SLC29A4: variants seen among roughly 807,000 people sequenced by gnomAD.
SLC29A4 encodes the protein equilibrative nucleoside transporter 4.
A neutral mutation model predicts 43.9 loss-of-function variants in SLC29A4; 36 were observed. The observed-to-expected ratio is 0.82, with a 90% confidence interval of 0.63 to 1.08. The LOEUF (loss-of-function observed/expected upper bound fraction) is 1.08, where lower values mean the gene tolerates loss of function less well. Ranked by LOEUF, SLC29A4 falls within the 50% of genes least tolerant of loss-of-function variation. The probability of loss-of-function intolerance (pLI) is 0.00; values close to 1 mark genes in which losing one functional copy is unlikely to be tolerated. For synonymous variants in SLC29A4, 491 were observed against 338.0 expected (o/e 1.45, Z -4.97); for missense variants, 869 against 755.3 (o/e 1.15, Z -1.77).
rs1786357853 is a variant in SLC29A4 at position 5,304,076 on chromosome 7, A to C, written c.*1137A>C. ...GACCGCTGCACCGCCGCCTGCAAGCAGAGTTTGTGCGTGGACGGGGGCTGG... is the reference window on the plus strand; with the variant it reads ...GACCGCTGCACCGCCGCCTGCAAGCCGAGTTTGTGCGTGGACGGGGGCTGG... On this transcript the variant is annotated 3_prime_UTR_variant, in exon 11 of 11. Coordinates refer to ENST00000396872, the MANE Select transcript of SLC29A4 (RefSeq NM_153247.4). The C allele has an allele frequency of 6.6e-6, 1 of 152,352 alleles. No individual in the cohort carries two copies. Among genetic ancestry groups the C allele is most frequent in the Non-Finnish European group, 1.5e-5 (1 of 68,150 alleles). 9.4% of individuals were successfully genotyped at this position (152,352 alleles called of 1,614,324 possible).
At chr7:5,286,612 C>A (rs1441258265) in intron 1 of SLC29A4, among the ~76,000 whole-genome samples, 1 of 152,124 alleles carries the variant, frequency 6.6e-6, no homozygotes, top group African/African-American at 2.4e-5. Context: ...ACAGTGCAAG[C>A]GTCTCCATCA....
chr7:5,284,890 G>C (rs763613457), intron 1 of SLC29A4, among the ~76,000 whole-genome samples: 2 of 152,196 alleles, frequency 1.3e-5, no homozygotes, highest in African/African-American at 4.8e-5. Context: ...CAGAAACCTC[G>C]GCTTTCTGGC....
intron 5 of SLC29A4, 110 bp downstream of exon 5, chr7:5,291,931 C>A: frequency 6.8e-7 from 1 of 1,468,012 alleles, no homozygotes; most frequent in Non-Finnish European, 9.1e-7. Context: ...ACCGGGCTGG[C>A]TGGGTGCCAG....
chr7:5,298,342 A>G (rs1259996171), intron 7 of SLC29A4, among the ~76,000 whole-genome samples: 1 of 152,138 alleles, frequency 6.6e-6, no homozygotes, highest in Non-Finnish European at 1.5e-5. Flanking sequence ...GGCAGAGGGA[A>G]AAGCGTGTGC....
chr7:5,291,197 C>T lies in SLC29A4; in HGVS notation c.375C>T (p.Val125=), dbSNP rs1198648992. The T allele has an allele frequency of 6.2e-7, 1 of 1,613,632 alleles. No homozygotes were observed. Among genetic ancestry groups the T allele is most frequent in the Admixed American group, 1.7e-5 (1 of 60,030 alleles). The change falls in exon 4 of 11, where the codon GTC becomes GTT. Residue 125 remains valine, a synonymous_variant. Transcript: ENST00000396872. The part of the protein sequence containing the change: ...VALAAVLLNN[V]LVERLTLHTR... ...TGGCAGCTGTCCTCCTGAACAACGT[C>T]CTGGTGGAGAGACTGACCCTGCACA...
In SLC29A4 at chr7:5,304,551, C is replaced by G. The variant is rs1786386677; in HGVS notation, c.*1612C>G. 6.6e-6 allele frequency: 1 copy of G among 152,094 alleles called. No homozygotes were observed. The highest frequency in any genetic ancestry group is 2.1e-4 in the South Asian group (1 of 4,808). The allele number at this position is 152,094 out of a possible 1,614,324, so 9.4% of individuals were successfully genotyped here. ...TGAGACTGAGTCTTGCTCTTGTCACCCAGGCTGGAGTGCAGTGGCACGATC... is the reference window on the plus strand; with the variant it reads ...TGAGACTGAGTCTTGCTCTTGTCACGCAGGCTGGAGTGCAGTGGCACGATC... On this transcript the variant is annotated 3_prime_UTR_variant, in exon 11 of 11. Transcript: ENST00000396872.
intron 4 of SLC29A4, 67 bp from the exon 5 acceptor site, chr7:5,291,626 G>T: frequency 6.6e-7 from 1 of 1,512,846 alleles, no homozygotes; most frequent in Non-Finnish European, 9.0e-7. Flanking sequence ...CTGCAGGAGG[G>T]GCGAGGAGGA....
chr7:5,294,884 A>T lies in SLC29A4; in HGVS notation c.569A>T (p.Tyr190Phe). ...GTGCAGCAATCCAGCTTCTACGGGT[A>T]CACGGGGATGCTGCCCAAGCGGTAC... ...CTVQQSSFYGYTGMLPKRYTQ... is the reference protein window; with the variant it reads ...CTVQQSSFYGFTGMLPKRYTQ... Residue 190 changes from tyrosine to phenylalanine, a missense_variant, in exon 6 of 11, where the codon TAC becomes TTC. Physicochemically the swap from Tyr to Phe is conservative, Grantham distance 22. Transcript: ENST00000396872. 1.2e-6 allele frequency: 2 copies of T among 1,612,356 alleles called. No homozygotes were observed. Among genetic ancestry groups the T allele is most frequent in the Non-Finnish European group, 8.5e-7 (1 of 1,179,644 alleles).
chr7:5,291,960 G>T, intron 5 of SLC29A4, 139 bp downstream of exon 5: 2 of 1,235,698 alleles, frequency 1.6e-6, no homozygotes, highest in Non-Finnish European at 2.2e-6. Flanking sequence ...CCACCTGCAT[G>T]CCAGCGTGCA....
At chr7:5,295,128 G>A (rs1291163399) in intron 6 of SLC29A4, among the ~76,000 whole-genome samples, 194 bp downstream of exon 6, 1 of 152,148 alleles carries the variant, frequency 6.6e-6, no homozygotes, top group Non-Finnish European at 1.5e-5. Context: ...ACTCCCACAT[G>A]GGAGGGACAT....
At chr7:5,297,394 G>A (rs1020635604) in intron 7 of SLC29A4, among the ~76,000 whole-genome samples, 196 bp downstream of exon 7, 2 of 152,188 alleles carry the variant, frequency 1.3e-5, no homozygotes, top group Non-Finnish European at 2.9e-5. Flanking sequence ...GGCACCCCAC[G>A]TCTCGTGGCC....
At chr7:5,301,499 G>A in intron 10 of SLC29A4, among the ~76,000 whole-genome samples, 1 of 152,186 alleles carries the variant, frequency 6.6e-6, no homozygotes, top group Non-Finnish European at 1.5e-5. Context: ...CATCCAGGAA[G>A]AGGGAGCAGC....
intron 6 of SLC29A4, among the ~76,000 whole-genome samples, chr7:5,296,463 G>C: frequency 6.9e-6 from 1 of 144,810 alleles, no homozygotes; most frequent in Non-Finnish European, 1.5e-5. Flanking sequence ...GGGGGCACCC[G>C]GAGTTGGGGC....
intron 1 of SLC29A4, among the ~76,000 whole-genome samples, chr7:5,285,603 A>G (rs1419278430): frequency 6.6e-6 from 1 of 152,230 alleles, no homozygotes; most frequent in Non-Finnish European, 1.5e-5. Context: ...GTAACTGATC[A>G]TGAAAACCTG....
chr7:5,297,343 C>G, intron 7 of SLC29A4, 145 bp downstream of exon 7: 3 of 985,372 alleles, frequency 3.0e-6, no homozygotes, highest in South Asian at 3.8e-5. Context: ...TCCTGCCAGC[C>G]TCCTTTATTC....
Position 5,303,392 on chromosome 7 carries a change from T to C in SLC29A4, c.*453T>C. On this transcript the variant is annotated 3_prime_UTR_variant, in exon 11 of 11. Transcript: ENST00000396872. ...AGCCTCCACCAGGGACCCCTCCTCA[T>C]GAACTCTGGAGCCCTGAGAGGAGAG... 1 of 205,336 alleles carries C rather than the reference T, an allele frequency of 4.9e-6. No individual in the cohort carries two copies. The highest frequency in any genetic ancestry group is 9.7e-6 in the Non-Finnish European group (1 of 102,860). 12.7% of individuals were successfully genotyped at this position (205,336 alleles called of 1,614,324 possible).
chr7:5,289,030 A>G (rs1281355719), intron 2 of SLC29A4, among the ~76,000 whole-genome samples: 1 of 152,118 alleles, frequency 6.6e-6, no homozygotes, highest in Non-Finnish European at 1.5e-5. Flanking sequence ...TGTCCCTGGC[A>G]CTCAGGAGGC....
In SLC29A4 at chr7:5,299,374, T is replaced by A; in HGVS notation, c.1156T>A (p.Trp386Arg). ...GATCCGCCACTGCATCCTGGGCGAGTGGCTGCCCATCCTCATCATGGCTGT... is the reference window on the plus strand; with the variant it reads ...GATCCGCCACTGCATCCTGGGCGAGAGGCTGCCCATCCTCATCATGGCTGT... ...SEIRHCILGE[W>R]LPILIMAVFN... The change falls in exon 9 of 11, where the codon TGG becomes AGG. Residue 386 changes from tryptophan (W) to arginine (R), a missense_variant. Physicochemically the swap from Trp to Arg is moderately radical, Grantham distance 101. Coordinates refer to ENST00000396872, the MANE Select transcript of SLC29A4 (RefSeq NM_153247.4). The A allele has an allele frequency of 6.2e-7, 1 of 1,612,248 alleles. No individual in the cohort carries two copies. Among genetic ancestry groups the A allele is most frequent in the Non-Finnish European group, 8.5e-7 (1 of 1,179,820 alleles).
At chr7:5,283,386 C>CGCGCCACCCCATCGCTCCCCT (rs1359947185) in intron 1 of SLC29A4, among the ~76,000 whole-genome samples, 1 of 152,138 alleles carries the variant, frequency 6.6e-6, no homozygotes, top group East Asian at 1.9e-4. Context: ...CGGACCCCCC[C>CGCGCCACCCCATCGCTCCCCT]GCGCCACCCC....
Sources: allele counts gnomAD v4.1 joint callset (sites outside exome capture counted in the v4.1 genomes callset), GRCh38; gene constraint gnomAD v4.1.1; transcripts MANE v1.5; gene names NCBI Gene and HGNC (gene_info 2026-07-23, HGNC 2026-07-21).